ROR1: variants seen among roughly 807,000 people sequenced by gnomAD.
ROR1 encodes the protein ROR family WNT receptor 1.
Under a neutral mutation model 78.8 loss-of-function variants are expected in ROR1, and 19 were observed. That is an observed-to-expected ratio of 0.24 (90% CI 0.17 to 0.35). ROR1 has a LOEUF of 0.35. ROR1 is among the 10% of genes least tolerant of loss of function. The pLI is 1.00. For synonymous variants in ROR1, 386 were observed against 433.6 expected (o/e 0.89, Z 1.36); for missense variants, 917 against 1,177.8 (o/e 0.78, Z 3.24).
chr1:63,819,918 G>C (rs1223762837), intron 1 of ROR1, among the ~76,000 whole-genome samples: 1 of 152,110 alleles, frequency 6.6e-6, no homozygotes, highest in African/African-American at 2.4e-5. Context: ...GGAAACTGAG[G>C]TACACCTTGA....
chr1:63,941,974 G>A (rs12028992), intron 1 of ROR1, among the ~76,000 whole-genome samples: 1 of 152,260 alleles, frequency 6.6e-6, no homozygotes, highest in East Asian at 1.9e-4. Context: ...TTTTACAGAG[G>A]AGGAAACCGT....
intron 1 of ROR1, among the ~76,000 whole-genome samples, chr1:63,989,833 C>T (rs960585335): frequency 2.6e-5 from 4 of 152,158 alleles, no homozygotes; most frequent in Non-Finnish European, 5.9e-5. Context: ...ACTGTGATGT[C>T]CACATGAAAG....
chr1:64,110,876 T>G (rs1427654656), intron 4 of ROR1: 2 of 152,084 alleles, frequency 1.3e-5, no homozygotes, highest in Non-Finnish European at 2.9e-5. Context: ...AAAAAATACT[T>G]TCATACCATA....
intron 1 of ROR1, among the ~76,000 whole-genome samples, chr1:63,809,066 C>A (rs1410889507): frequency 6.6e-6 from 1 of 152,194 alleles, no homozygotes; most frequent in Non-Finnish European, 1.5e-5. Flanking sequence ...GCTGAGGCCA[C>A]CTGGTGCTTC....
At position 63,774,578 on chromosome 1, in the gene ROR1, C is replaced by A; in HGVS notation, c.91+70C>A. 1 of 865,612 alleles carries A rather than the reference C, an allele frequency of 1.2e-6. No homozygotes were observed. Among genetic ancestry groups the A allele is most frequent in the Non-Finnish European group, 1.4e-6 (1 of 706,804 alleles). The allele number at this position is 865,612 out of a possible 1,614,324, so 53.6% of individuals were successfully genotyped here. ...CGTGGCCACCCTTCCGCCGTCCAGC[C>A]GGGCGCGGGACACGCAGGAAGCGCC... is the stretch of plus-strand genomic sequence containing the variant. On this transcript the variant is annotated intron_variant, in intron 1 of 8. Coordinates refer to ENST00000371079, the MANE Select transcript of ROR1 (RefSeq NM_005012.4). The surrounding 1 kb of genome is among the most constrained non-coding windows in gnomAD (Gnocchi z 5.7).
chr1:64,113,361 A>G (rs1648186557), intron 4 of ROR1, among the ~76,000 whole-genome samples: 1 of 152,182 alleles, frequency 6.6e-6, no homozygotes, highest in Non-Finnish European at 1.5e-5. Flanking sequence ...AGCACTCTGC[A>G]GTTTACAAAG....
At chr1:64,024,025 G>A (rs1021436600) in intron 2 of ROR1, among the ~76,000 whole-genome samples, 1 of 152,234 alleles carries the variant, frequency 6.6e-6, no homozygotes, top group South Asian at 2.1e-4. Flanking sequence ...TTTCTCTCCT[G>A]TCACCTTGTA....
intron 8 of ROR1, among the ~76,000 whole-genome samples, chr1:64,176,776 G>A (rs1247013408): frequency 1.3e-5 from 2 of 152,234 alleles, no homozygotes; most frequent in Non-Finnish European, 2.9e-5. Flanking sequence ...TCTATTGTGA[G>A]TACTTCAGAA....
At chr1:63,863,738 AT>A (rs1411966181) in intron 1 of ROR1, among the ~76,000 whole-genome samples, 10 of 140,080 alleles carry the variant, frequency 7.1e-5, no homozygotes, top group Non-Finnish European at 1.2e-4. Flanking sequence ...ATTGTATTGT[AT>A]TGTATTGTAT....
intron 2 of ROR1, among the ~76,000 whole-genome samples, chr1:64,039,513 T>C (rs1569602988): frequency 6.6e-6 from 1 of 152,160 alleles, no homozygotes; most frequent in Non-Finnish European, 1.5e-5. Context: ...CAGGCCAGGG[T>C]AGTGAAAATA....
chr1:64,165,087 T>C (rs1418124978), intron 8 of ROR1, among the ~76,000 whole-genome samples: 1 of 152,220 alleles, frequency 6.6e-6, no homozygotes, highest in Admixed American at 6.5e-5. Flanking sequence ...GTCCTTATAA[T>C]AAAATCAGTT....
intron 1 of ROR1, among the ~76,000 whole-genome samples, chr1:63,856,176 T>C (rs1452728128): frequency 6.6e-6 from 1 of 152,174 alleles, no homozygotes; most frequent in African/African-American, 2.4e-5. Flanking sequence ...ATTTTCCTTG[T>C]TGGGTACTGG....
chr1:63,855,261 T>C (rs191447463), intron 1 of ROR1, among the ~76,000 whole-genome samples: 1 of 152,360 alleles, frequency 6.6e-6, no homozygotes, highest in East Asian at 1.9e-4. Context: ...TACTGACTCA[T>C]GACATTTGTT....
intron 1 of ROR1, among the ~76,000 whole-genome samples, chr1:63,853,811 A>G (rs901864290): frequency 6.6e-6 from 1 of 152,268 alleles, no homozygotes; most frequent in African/African-American, 2.4e-5. Flanking sequence ...AAGGCTTATG[A>G]TAAAGGATCA....
intron 1 of ROR1, among the ~76,000 whole-genome samples, chr1:63,962,090 T>C (rs1646034217): frequency 6.6e-6 from 1 of 152,026 alleles, no homozygotes; most frequent in African/African-American, 2.4e-5. Context: ...CAAAACCCCA[T>C]GTCTACTAAA....
At chr1:64,177,377 G>A (rs1208238229) in intron 8 of ROR1, 51 bp from the exon 9 acceptor site, 3 of 1,406,702 alleles carry the variant, frequency 2.1e-6, no homozygotes, top group Non-Finnish European at 2.0e-6. Context: ...ATGCAAAGCT[G>A]TCTTGCCTGA....
At chr1:64,064,693 G>A (rs993070690) in intron 4 of ROR1, among the ~76,000 whole-genome samples, 6 of 152,182 alleles carry the variant, frequency 3.9e-5, no homozygotes, top group African/African-American at 1.2e-4. Context: ...ACATTCAGTG[G>A]ACAGTTTGGA....
chr1:64,132,055 T>G (rs1179915527), intron 4 of ROR1, among the ~76,000 whole-genome samples: 3 of 152,208 alleles, frequency 2.0e-5, no homozygotes, highest in Non-Finnish European at 4.4e-5. Context: ...AAGCAGTTAC[T>G]TCTTATTCCT....
intron 1 of ROR1, among the ~76,000 whole-genome samples, chr1:63,842,890 G>T (rs550515691): frequency 6.6e-6 from 1 of 152,058 alleles, no homozygotes; most frequent in African/African-American, 2.4e-5. Flanking sequence ...GGATGTGGGG[G>T]TGTTGTTAAA....
Sources: gnomAD v4.1 joint callset for allele counts (sites outside exome capture counted in the v4.1 genomes callset) on GRCh38, gnomAD v4.1.1 for gene constraint, Gnocchi (gnomAD v3.1) non-coding constraint, MANE v1.5 for transcripts, NCBI Gene and HGNC (gene_info 2026-07-23, HGNC 2026-07-21) for gene names.